PRKCE: variants seen among roughly 807,000 people sequenced by gnomAD.
PRKCE encodes the protein protein kinase C epsilon, also known as protein kinase C epsilon type.
Under a neutral mutation model 85.4 loss-of-function variants are expected in PRKCE, and 16 were observed. The observed-to-expected ratio is 0.19, with a 90% CI of 0.13 to 0.28. The LOEUF is 0.28. Among genes scored for constraint, PRKCE ranks in the 10% least tolerant of loss-of-function variants. PRKCE has a pLI of 1.00. For missense variants in PRKCE, 573 were observed against 975.2 expected (o/e 0.59, Z 5.49); for synonymous variants, 388 against 371.5 (o/e 1.04, Z -0.51).
Position 45,690,050 on chromosome 2 carries a change from C to T in PRKCE, c.348+37602C>T, listed in dbSNP as rs1677609640. The stretch of plus-strand genomic sequence containing the variant: ...GTCTTTTGGAAACAAACAGGAAAAT[C>T]ATGCACACTATCCTGCTTCTTGCTT... On this transcript the variant is annotated intron_variant, in intron 1 of 14. Transcript: ENST00000306156. Among the ~76,000 whole-genome samples, 3 of 152,142 alleles carry T rather than the reference C, an allele frequency of 2.0e-5. No individual in the cohort carries two copies. In the South Asian group the frequency reaches 6.2e-4, roughly 32 times the overall value.
intron 1 of PRKCE, among the ~76,000 whole-genome samples, chr2:45,814,308 C>G (rs1478804161): frequency 6.6e-6 from 1 of 152,226 alleles, no homozygotes; most frequent in Non-Finnish European, 1.5e-5. Context: ...TAGAGAATCT[C>G]AGACCTGAGT....
chr2:46,094,346 A>G (rs1482114680), intron 11 of PRKCE, among the ~76,000 whole-genome samples: 1 of 152,186 alleles, frequency 6.6e-6, no homozygotes, highest in Admixed American at 6.5e-5. Context: ...AATATATAGG[A>G]AGTGAAATAT....
chr2:45,847,805 C>T (rs1691920656), intron 2 of PRKCE, among the ~76,000 whole-genome samples: 1 of 152,222 alleles, frequency 6.6e-6, no homozygotes, highest in Admixed American at 6.5e-5. Context: ...AGCCAAAGTT[C>T]TTAGCTTTGA....
rs1201072794 is a variant in PRKCE at position 46,041,257 on chromosome 2, C to T, written c.1437+30740C>T. Among the ~76,000 whole-genome samples the T allele has an allele frequency of 6.6e-6, 1 of 152,182 alleles. No individual in the cohort carries two copies. The highest frequency in any genetic ancestry group is 1.9e-4 in the East Asian group (1 of 5,190). ...TACTGGGTATACCCAAGTCCAAAAT[C>T]AGAATTTTAAAGCAATATTAAAACA... On this transcript the variant is annotated intron_variant, in intron 10 of 14. Transcript: ENST00000306156. This position sits in a 1 kb window ranked among gnomAD's most constrained non-coding sequence, Gnocchi z 5.5.
At chr2:45,878,527 G>A (rs1304182456) in intron 2 of PRKCE, among the ~76,000 whole-genome samples, 1 of 151,876 alleles carries the variant, frequency 6.6e-6, no homozygotes, top group Non-Finnish European at 1.5e-5. Context: ...CAAACTTTAG[G>A]GCAAAAGTGA....
At position 45,807,545 on chromosome 2, in the gene PRKCE, C is replaced by T. The variant is rs150632193; in HGVS notation, c.349-35455C>T. 2.5e-3 allele frequency among the ~76,000 whole-genome samples: 383 copies of T among 152,330 alleles called. 3 individuals are homozygous for T. The highest frequency in any genetic ancestry group is 9.0e-3 in the African/African-American group (373 of 41,564). On this transcript the variant is annotated intron_variant, in intron 1 of 14. Transcript: ENST00000306156. ...GAAAAGCCATTTGTAGAAATGGAGA[C>T]GAGCAGAGTGCAAATCATTCCTCCA... is the stretch of plus-strand genomic sequence containing the variant.
At chr2:46,147,475 C>A (rs565982499) in intron 12 of PRKCE, among the ~76,000 whole-genome samples, 1 of 152,304 alleles carries the variant, frequency 6.6e-6, no homozygotes, top group East Asian at 1.9e-4. Flanking sequence ...AGCCACTCAG[C>A]TTTCATGAAA....
chr2:46,123,775 T>C (rs940882233), intron 11 of PRKCE, among the ~76,000 whole-genome samples: 2 of 152,170 alleles, frequency 1.3e-5, no homozygotes, highest in Non-Finnish European at 2.9e-5. Flanking sequence ...CATGAGCCAC[T>C]GTGCCCTGCC....
At position 46,068,907 on chromosome 2, in the gene PRKCE, C is replaced by T. The variant is rs954441080; in HGVS notation, c.1438-17301C>T. Among the ~76,000 whole-genome samples, 1 of 152,194 alleles carries T rather than the reference C, an allele frequency of 6.6e-6. No individual in the cohort carries two copies. The highest frequency in any genetic ancestry group is 2.1e-4 in the South Asian group (1 of 4,824). ...GGTCCTTGTGACTCCAAGGGTGATC[C>T]CTAGACTAGCAGCATTGCATTACCT... On this transcript the variant is annotated intron_variant, in intron 10 of 14. Transcript: ENST00000306156. This position sits in a 1 kb window ranked among gnomAD's most constrained non-coding sequence, Gnocchi z 4.3.
intron 11 of PRKCE, among the ~76,000 whole-genome samples, chr2:46,120,722 A>G (rs180875559): frequency 1.3e-5 from 2 of 152,236 alleles, no homozygotes; most frequent in African/African-American, 4.8e-5. Flanking sequence ...TCCTTTCTCT[A>G]CTCAACACGT....
intron 10 of PRKCE, among the ~76,000 whole-genome samples, chr2:46,059,218 G>A (rs1017816586): frequency 8.0e-6 from 1 of 124,506 alleles, no homozygotes; most frequent in African/African-American, 4.2e-5. Context: ...AGCCCAGGAG[G>A]TTAAGGCTAC....
chr2:46,122,389 C>G (rs1673399057), intron 11 of PRKCE, among the ~76,000 whole-genome samples: 1 of 152,176 alleles, frequency 6.6e-6, no homozygotes, highest in South Asian at 2.1e-4. Context: ...TGCCACTATG[C>G]CCAGCTAATT....
chr2:45,765,232 G>A (rs1031732892), intron 1 of PRKCE, among the ~76,000 whole-genome samples: 4 of 152,112 alleles, frequency 2.6e-5, no homozygotes, highest in African/African-American at 9.7e-5. Flanking sequence ...CTTTATTTTT[G>A]TTTTTTATAA....
At chr2:45,856,596 C>A (rs888910799) in intron 2 of PRKCE, among the ~76,000 whole-genome samples, 3 of 152,150 alleles carry the variant, frequency 2.0e-5, no homozygotes, top group Non-Finnish European at 4.4e-5. Flanking sequence ...ATATATACGA[C>A]ACATTGTTAT....
At chr2:46,031,790 A>C (rs1406183738) in intron 10 of PRKCE, among the ~76,000 whole-genome samples, 2 of 152,154 alleles carry the variant, frequency 1.3e-5, no homozygotes, top group Non-Finnish European at 2.9e-5. Context: ...TTGCTAGTCC[A>C]TCATGCTCCT....
At chr2:46,154,367 C>T (rs1676978819) in intron 13 of PRKCE, among the ~76,000 whole-genome samples, 1 of 152,142 alleles carries the variant, frequency 6.6e-6, no homozygotes, top group South Asian at 2.1e-4. Context: ...CTGGGCCTCT[C>T]ACTCCGAGAA....
intron 2 of PRKCE, among the ~76,000 whole-genome samples, chr2:45,927,607 T>G (rs1425455447): frequency 6.6e-6 from 1 of 152,206 alleles, no homozygotes; most frequent in African/African-American, 2.4e-5. Context: ...GGCATATTAT[T>G]TGATTCTGCA....
rs34589907 is a variant in PRKCE at position 45,751,809 on chromosome 2, A to ATTTT, written c.349-91168_349-91165dup. On this transcript the variant is annotated intron_variant, in intron 1 of 14. Coordinates refer to ENST00000306156, the MANE Select transcript of PRKCE (RefSeq NM_005400.3). ...ACTCCAGCCTCCAAAGCTAACCACT[A>ATTTT]TTTTTTTTTTTTTTTTTTTTTTTTT... is the stretch of plus-strand genomic sequence containing the variant. Among the ~76,000 whole-genome samples, 376 of 78,516 alleles carry ATTTT rather than the reference A, an allele frequency of 4.8e-3. 42 individuals carry two copies. The highest frequency in any genetic ancestry group is 8.6e-3 in the Middle Eastern group (1 of 116). The allele number at this position is 78,516 out of a possible 152,430, so 51.5% of individuals were successfully genotyped here.
At chr2:45,692,088 T>C (rs1677774003) in intron 1 of PRKCE, among the ~76,000 whole-genome samples, 1 of 152,220 alleles carries the variant, frequency 6.6e-6, no homozygotes, top group Non-Finnish European at 1.5e-5. Flanking sequence ...TTCATTTTTG[T>C]TCATGAATTC....
Sources: allele counts gnomAD v4.1 joint callset (sites outside exome capture counted in the v4.1 genomes callset), GRCh38; gene constraint gnomAD v4.1.1; non-coding constraint Gnocchi (gnomAD v3.1); transcripts MANE v1.5; gene names NCBI Gene and HGNC (gene_info 2026-07-23, HGNC 2026-07-21).